The following ITGA6 variants were observed in gnomAD, a reference collection of about 807,000 sequenced individuals.
The protein encoded by ITGA6 is integrin alpha-6.
Under a neutral mutation model 133.6 loss-of-function variants are expected in ITGA6, and 63 were observed. The ratio of observed to expected loss-of-function variants is 0.47; its 90% CI spans 0.38 to 0.58. The LOEUF is 0.58. Among genes scored for constraint, ITGA6 ranks in the 20% least tolerant of loss-of-function variants. The pLI is 0.00. For missense variants in ITGA6, 1,068 were observed against 1,309.4 expected (o/e 0.82, Z 2.85); for synonymous variants, 434 against 482.0 (o/e 0.90, Z 1.30).
intron 24 of ITGA6, among the ~76,000 whole-genome samples, chr2:172,498,900 G>T (rs1010774042): frequency 6.6e-6 from 1 of 152,156 alleles, no homozygotes; most frequent in South Asian, 2.1e-4. Flanking sequence ...GTGAAGAGAG[G>T]CTACTTCGAA....
intron 1 of ITGA6, among the ~76,000 whole-genome samples, chr2:172,448,608 T>C (rs1684861871): frequency 1.3e-5 from 2 of 152,212 alleles, no homozygotes; most frequent in Admixed American, 6.5e-5. Context: ...AAGTAGGCTA[T>C]GTTTGTGATT....
intron 24 of ITGA6, among the ~76,000 whole-genome samples, chr2:172,499,114 A>C (rs576522288): frequency 3.9e-5 from 6 of 152,180 alleles, no homozygotes; most frequent in Non-Finnish European, 5.9e-5. Context: ...AATATAATAC[A>C]TAAGGGTTCA....
intron 25 of ITGA6, 40 bp downstream of exon 25, chr2:172,501,941 C>A: frequency 6.3e-7 from 1 of 1,580,274 alleles, no homozygotes; most frequent in Non-Finnish European, 8.6e-7. Flanking sequence ...CTGTGGGACC[C>A]GCTATGGTTG....
chr2:172,471,012 G>T lies in ITGA6; in HGVS notation c.682G>T (p.Asp228Tyr), dbSNP rs1163558259. The T allele has an allele frequency of 6.2e-7, 1 of 1,613,482 alleles. No homozygotes were observed. Among genetic ancestry groups the T allele is most frequent in the Non-Finnish European group, 8.5e-7 (1 of 1,179,748 alleles). ...AGAGCAAAAGAATAACACTTTTTTT[G>T]ACATGAACATCTTTGAAGATGGGCC... ...RVEQKNNTFFDMNIFEDGPYE... is the reference protein window; with the variant it reads ...RVEQKNNTFFYMNIFEDGPYE... Residue 228 changes from aspartate (D) to tyrosine (Y), a missense_variant, in exon 5 of 26, where the codon GAC (aspartate) becomes TAC (tyrosine). By Grantham distance (160) the Asp-to-Tyr change is radical. This residue lies in a region of ITGA6 where 317 missense variants were observed against 456.9 expected (regional missense o/e 0.69). Transcript: ENST00000684293.
At chr2:172,430,424 A>G (rs1210887903) in intron 1 of ITGA6, among the ~76,000 whole-genome samples, 2 of 152,232 alleles carry the variant, frequency 1.3e-5, no homozygotes, top group Non-Finnish European at 2.9e-5. Flanking sequence ...ACCCATGTTC[A>G]AAGCAACTTA....
In ITGA6 at chr2:172,465,569, G is replaced by A. The variant is rs759112479; in HGVS notation, c.213G>A (p.Ala71=). 33 of 1,614,096 alleles carry A rather than the reference G, an allele frequency of 2.0e-5. No homozygotes were observed. The African/African-American group carries it at 3.3e-4, about 16-fold the overall frequency. ...LLLVGAPRAE[A]LPLQRANRTG... is the part of the protein sequence containing the mutation. ...TCGTGGGGGCCCCGCGGGCAGAAGC[G>A]CTTCCACTGCAGAGAGCCAACAGAA... The change falls in exon 2 of 26, where the codon GCG becomes GCA. Residue 71 remains alanine, a synonymous_variant. Transcript: ENST00000684293.
At chr2:172,497,382 C>T (rs569216892) in intron 23 of ITGA6, among the ~76,000 whole-genome samples, 2 of 151,760 alleles carry the variant, frequency 1.3e-5, no homozygotes, top group East Asian at 3.9e-4. Context: ...CCTGTAGTCC[C>T]AGCTACTTGG....
intron 5 of ITGA6, 87 bp from the exon 6 acceptor site, chr2:172,473,968 A>AG: frequency 1.2e-6 from 1 of 859,424 alleles, no homozygotes; most frequent in African/African-American, 1.7e-5. Flanking sequence ...GGGAAGCCAG[A>AG]GGAAGAGGTA....
intron 1 of ITGA6, among the ~76,000 whole-genome samples, chr2:172,442,473 A>G (rs2149003873): frequency 6.6e-6 from 1 of 152,300 alleles, no homozygotes; most frequent in Non-Finnish European, 1.5e-5. Context: ...GTATTTTCAT[A>G]GCTGAAAGGT....
At chr2:172,453,542 A>G (rs923653659) in intron 1 of ITGA6, among the ~76,000 whole-genome samples, 10 of 152,170 alleles carry the variant, frequency 6.6e-5, no homozygotes, top group South Asian at 6.2e-4. Context: ...CACAGTATAC[A>G]TGGAATACAA....
chr2:172,445,047 C>T lies in ITGA6; in HGVS notation c.182+17077C>T, dbSNP rs1018745668. On this transcript the variant is annotated intron_variant, in intron 1 of 25. Coordinates refer to ENST00000684293, the MANE Select transcript of ITGA6 (RefSeq NM_000210.4). ...GTGGCGGGCTCTTGGCTTACTGCAA[C>T]CTCTGCCTCTCAGGTTCAAGTGATT... is the stretch of plus-strand genomic sequence containing the variant. 5.9e-5 allele frequency among the ~76,000 whole-genome samples: 9 copies of T among 151,954 alleles called. No homozygotes were observed. The South Asian group carries it at 1.9e-3, about 32-fold the overall frequency.
intron 1 of ITGA6, among the ~76,000 whole-genome samples, chr2:172,453,003 T>A (rs1014800987): frequency 6.6e-6 from 1 of 152,182 alleles, no homozygotes; most frequent in Non-Finnish European, 1.5e-5. Flanking sequence ...ATAAGTCTAG[T>A]TAAGGCAGGG....
At chr2:172,501,961 A>T in intron 25 of ITGA6, 60 bp downstream of exon 25, 1 of 1,469,756 alleles carries the variant, frequency 6.8e-7, no homozygotes, top group Non-Finnish European at 9.3e-7. Context: ...GTGGTGGCTA[A>T]CTTTAAGAAC....
At chr2:172,444,115 T>C (rs1224362923) in intron 1 of ITGA6, among the ~76,000 whole-genome samples, 1 of 152,210 alleles carries the variant, frequency 6.6e-6, no homozygotes, top group Non-Finnish European at 1.5e-5. Context: ...TGAGAATATT[T>C]AGATAGAACG....
intron 11 of ITGA6, among the ~76,000 whole-genome samples, chr2:172,481,728 C>T (rs532767181): frequency 1.1e-4 from 17 of 152,270 alleles, no homozygotes; most frequent in African/African-American, 3.9e-4. Context: ...ATTATGACTT[C>T]GTGCACAGGG....
chr2:172,482,155 A>T (rs1462408707), intron 11 of ITGA6, among the ~76,000 whole-genome samples: 1 of 152,230 alleles, frequency 6.6e-6, no homozygotes, highest in African/African-American at 2.4e-5. Flanking sequence ...GCTGTAGCAC[A>T]GCATTTGATG....
At chr2:172,446,019 G>A (rs564489910) in intron 1 of ITGA6, among the ~76,000 whole-genome samples, 1 of 152,356 alleles carries the variant, frequency 6.6e-6, no homozygotes, top group Non-Finnish European at 1.5e-5. Flanking sequence ...TATTCAGGGT[G>A]GCCTTATGCC....
chr2:172,453,308 C>T (rs1015007698), intron 1 of ITGA6, among the ~76,000 whole-genome samples: 2 of 152,030 alleles, frequency 1.3e-5, no homozygotes, highest in Admixed American at 6.6e-5. Context: ...AGGAGGATCG[C>T]TTAAGCTCAG....
At chr2:172,428,546 A>G (rs1257379494) in intron 1 of ITGA6, 4 of 59,588 alleles carry the variant, frequency 6.7e-5, no homozygotes, top group East Asian at 0.012. Context: ...CATGCCTTTG[A>G]AAAAAAAAAA....
Sources: allele counts gnomAD v4.1 joint callset (sites outside exome capture counted in the v4.1 genomes callset), GRCh38; gene constraint gnomAD v4.1.1; regional missense constraint gnomAD v4.1.1; transcripts MANE v1.5; gene names NCBI Gene and HGNC (gene_info 2026-07-23, HGNC 2026-07-21).